The following COL16A1 variants were observed in gnomAD, a reference collection of about 807,000 sequenced individuals.
The protein encoded by COL16A1 is collagen type XVI alpha 1 chain.
Under a neutral mutation model 266.3 loss-of-function variants are expected in COL16A1, and 189 were observed. The observed-to-expected ratio is 0.71, with a 90% CI of 0.63 to 0.80. COL16A1 has a LOEUF of 0.80. Among genes scored for constraint, COL16A1 ranks in the 30% least tolerant of loss-of-function variants. COL16A1 has a pLI of 0.00. For missense variants in COL16A1, 1,928 were observed against 2,122.4 expected (o/e 0.91, Z 1.80); for synonymous variants, 740 against 782.3 (o/e 0.95, Z 0.90).
chr1:31,689,323 CCCAA>C (rs1348838037), intron 23 of COL16A1: 1 of 646,932 alleles, frequency 1.5e-6, no homozygotes, highest in Non-Finnish European at 2.6e-6. Context: ...CCTGCATATA[CCCAA>C]TCACCTTTTT....
rs758626340 is a variant in COL16A1, at chr1:31,685,675, T to C, written c.1980A>G (p.Glu660=). ...GCAAGCCAAAGCCTGGAGGCCCAGG[T>C]TCCCCCTTCTCTCCGGATGGGCCAG... ...ALPGPSGEKG[E]PGPPGFGLPG... The change falls in exon 29 of 71, where the codon GAA becomes GAG. Residue 660 remains glutamate, a synonymous_variant. Coordinates refer to ENST00000373672, the MANE Select transcript of COL16A1 (RefSeq NM_001856.4). This position sits in a 1 kb window ranked among gnomAD's most constrained non-coding sequence, Gnocchi z 4.0. The C allele has an allele frequency of 1.2e-6, 2 of 1,613,686 alleles. No homozygotes were observed. Among genetic ancestry groups the C allele is most frequent in the East Asian group, 2.2e-5 (1 of 44,860 alleles).
chr1:31,665,788 A>C, intron 54 of COL16A1, 94 bp downstream of exon 54: 1 of 1,604,862 alleles, frequency 6.2e-7, no homozygotes, highest in South Asian at 1.1e-5. Context: ...GTCACAACCC[A>C]AGGACAGGTA....
chr1:31,685,555 A>C lies in COL16A1; in HGVS notation c.2016+84T>G. The C allele has an allele frequency of 5.5e-6, 8 of 1,454,220 alleles. No individual in the cohort carries two copies. Among genetic ancestry groups the C allele is most frequent in the East Asian group, 2.5e-5 (1 of 40,646 alleles). 90.1% of individuals were successfully genotyped at this position (1,454,220 alleles called of 1,614,324 possible). Reference sequence around the variant, plus strand: ...ACTACCCCCAACTGCCCAGGGAGTCAAGAGACCCAGGCAGGACCCCTCCCC... The same window carrying C: ...ACTACCCCCAACTGCCCAGGGAGTCCAGAGACCCAGGCAGGACCCCTCCCC... On this transcript the variant is annotated intron_variant, in intron 29 of 70. Transcript: ENST00000373672. The surrounding 1 kb of genome is among the most constrained non-coding windows in gnomAD (Gnocchi z 4.0).
intron 52 of COL16A1, among the ~76,000 whole-genome samples, chr1:31,666,835 T>A (rs1160295433): frequency 6.6e-6 from 1 of 152,142 alleles, no homozygotes; most frequent in African/African-American, 2.4e-5. Flanking sequence ...CCCTGTCCCA[T>A]TTCCTCCATG....
Position 31,656,333 on chromosome 1 carries a change from G to T in COL16A1, c.4101+67C>A. The T allele has an allele frequency of 5.7e-6, 9 of 1,584,528 alleles. No individual in the cohort carries two copies. Among genetic ancestry groups the T allele is most frequent in the East Asian group, 2.3e-5 (1 of 43,864 alleles). On this transcript the variant is annotated intron_variant, in intron 66 of 70. Transcript: ENST00000373672. This position sits in a 1 kb window ranked among gnomAD's most constrained non-coding sequence, Gnocchi z 4.2. ...GTGTCTCCTCTCTGTGGCTAAAGCC[G>T]TAACTTGCAGCTGGGCTTCATCCAC...
At chr1:31,672,386 T>A in intron 47 of COL16A1, 30 bp downstream of exon 47, 1 of 1,613,038 alleles carries the variant, frequency 6.2e-7, no homozygotes, top group Non-Finnish European at 8.5e-7. Context: ...CCCAGCTCCC[T>A]TGAGGATGAA....
intron 1 of COL16A1, 99 bp from the exon 2 acceptor site, chr1:31,702,326 G>A: frequency 7.2e-6 from 9 of 1,247,138 alleles, no homozygotes; most frequent in Non-Finnish European, 1.0e-5. Flanking sequence ...CCAGGCACTG[G>A]TATTGGGGTG....
Position 31,691,459 on chromosome 1 carries a change from G to A in COL16A1, c.1356C>T (p.Pro452=), listed in dbSNP as rs372997860. The A allele has an allele frequency of 1.3e-4, 209 of 1,611,988 alleles. 1 individual carries two copies. Among genetic ancestry groups the A allele is most frequent in the Middle Eastern group, 3.3e-4 (2 of 6,068 alleles). Residue 452 remains proline (P), a synonymous_variant, in exon 19 of 71, where the codon CCC becomes CCT. Coordinates refer to ENST00000373672, the MANE Select transcript of COL16A1 (RefSeq NM_001856.4). The part of the protein sequence containing the change: ...PEGLAGEPGP[P]GLPGPPGIGL... Reference sequence around the variant, plus strand: ...CTATCCCAGGGGGTCCAGGGAGGCCGGGGGGCCCAGGCTCTCCTGCCAGCC... The same window carrying A: ...CTATCCCAGGGGGTCCAGGGAGGCCAGGGGGCCCAGGCTCTCCTGCCAGCC...
intron 56 of COL16A1, 28 bp from the exon 57 acceptor site, chr1:31,662,686 C>CA: frequency 9.8e-7 from 1 of 1,021,302 alleles, no homozygotes; most frequent in South Asian, 1.5e-5. Context: ...CCCCCCCCCC[C>CA]GCCCCACAAT....
chr1:31,687,744 G>A (rs189991106), intron 26 of COL16A1, among the ~76,000 whole-genome samples: 286 of 152,094 alleles, frequency 1.9e-3, no homozygotes, highest in South Asian at 0.019. Flanking sequence ...GGCAGGTGGG[G>A]TGGGGGTGCA....
At chr1:31,690,704 C>A in intron 20 of COL16A1, 131 bp from the exon 21 acceptor site, 1 of 1,434,482 alleles carries the variant, frequency 7.0e-7, no homozygotes, top group South Asian at 1.4e-5. Flanking sequence ...CCATTTGTTC[C>A]ATTCGGTCGG....
At chr1:31,691,689 G>A in intron 17 of COL16A1, 47 bp from the exon 18 acceptor site, 1 of 1,589,878 alleles carries the variant, frequency 6.3e-7, no homozygotes. Context: ...CTGAGGCCTG[G>A]CACCGCCCCA....
In COL16A1 at chr1:31,691,586, T is replaced by C. The variant is rs1312418733; in HGVS notation, c.1302+12A>G. ...CCACCCCATCTCCACCCCACAAACA[T>C]CCACAACTCACCTTCTGCCCTTTGG... On this transcript the variant is annotated intron_variant, in intron 18 of 70. Transcript: ENST00000373672. 1.2e-6 allele frequency: 2 copies of C among 1,613,692 alleles called. No individual in the cohort carries two copies. Among genetic ancestry groups the C allele is most frequent in the Non-Finnish European group, 1.7e-6 (2 of 1,179,940 alleles).
rs1644121969 is a variant in COL16A1 at position 31,688,912 on chromosome 1, T to C, written c.1716A>G (p.Thr572=). Residue 572 remains threonine (T), a synonymous_variant, in exon 25 of 71, where the codon ACA becomes ACG. Coordinates refer to ENST00000373672, the MANE Select transcript of COL16A1 (RefSeq NM_001856.4). The surrounding 1 kb of genome is among the most constrained non-coding windows in gnomAD (Gnocchi z 4.9). The part of the protein sequence containing the change: ...VVGAQHLVSS[T]GASGDVGSPG... ...GGGAACCCACATCTCCACTGGCCCC[T>C]GTGGAGGACACAAGATGCTGGGCCC... The C allele has an allele frequency of 3.1e-6, 5 of 1,614,108 alleles. No individual in the cohort carries two copies. Among genetic ancestry groups the C allele is most frequent in the Non-Finnish European group, 4.2e-6 (5 of 1,179,996 alleles).
intron 52 of COL16A1, chr1:31,666,379 G>A (rs777839769): frequency 7.4e-6 from 3 of 403,156 alleles, no homozygotes; most frequent in African/African-American, 2.1e-5. Flanking sequence ...CACCTTATGC[G>A]GCTCCCTCTG....
chr1:31,689,035 G>A lies in COL16A1; in HGVS notation c.1656+15C>T, dbSNP rs764207413. ...TAGGCAGAGGAGGGCAGCCAGGAGA[G>A]CAGGGTTCCCTCACCTTCTCTCCTT... is the stretch of plus-strand genomic sequence containing the variant. On this transcript the variant is annotated intron_variant, in intron 24 of 70. Coordinates refer to ENST00000373672, the MANE Select transcript of COL16A1 (RefSeq NM_001856.4). The A allele has an allele frequency of 6.2e-7, 1 of 1,613,936 alleles. No homozygotes were observed. Among genetic ancestry groups the A allele is most frequent in the South Asian group, 1.1e-5 (1 of 91,078 alleles).
At chr1:31,686,347 C>G in intron 26 of COL16A1, 68 bp from the exon 27 acceptor site, 1 of 1,607,820 alleles carries the variant, frequency 6.2e-7, no homozygotes, top group Non-Finnish European at 8.5e-7. Flanking sequence ...AATCCCAAAC[C>G]CAAAACTGTA....
rs1472078323 is a variant in COL16A1, at chr1:31,656,797, G to C, written c.4056+236C>G. The C allele has an allele frequency of 1.9e-6, 1 of 532,676 alleles. No individual in the cohort carries two copies. The highest frequency in any genetic ancestry group is 3.0e-5 in the East Asian group (1 of 33,432). 33.0% of individuals were successfully genotyped at this position (532,676 alleles called of 1,614,324 possible). ...TATCATTATTATTGTTGTTGTTGTT[G>C]TTTCTTTTTGACCAGGTACAGGGTT... is the stretch of plus-strand genomic sequence containing the variant. On this transcript the variant is annotated intron_variant, in intron 65 of 70. Transcript: ENST00000373672. This position sits in a 1 kb window ranked among gnomAD's most constrained non-coding sequence, Gnocchi z 4.2.
At chr1:31,677,639 G>A (rs2148736970) in intron 42 of COL16A1, among the ~76,000 whole-genome samples, 1 of 152,374 alleles carries the variant, frequency 6.6e-6, no homozygotes, top group East Asian at 1.9e-4. Context: ...GGAATGGACT[G>A]AGATGAAATG....
Sources: allele counts gnomAD v4.1 joint callset (sites outside exome capture counted in the v4.1 genomes callset), GRCh38; gene constraint gnomAD v4.1.1; non-coding constraint Gnocchi (gnomAD v3.1); transcripts MANE v1.5; gene names NCBI Gene and HGNC (gene_info 2026-07-23, HGNC 2026-07-21).